PPARG: variants seen among roughly 807,000 people sequenced by gnomAD.
The protein encoded by PPARG is peroxisome proliferator activated receptor gamma, also known as peroxisome proliferator-activated receptor gamma.
A neutral mutation model predicts 39.2 loss-of-function variants in PPARG; 17 were observed. The ratio of observed to expected loss-of-function variants is 0.43; its 90% CI spans 0.30 to 0.65. The LOEUF (loss-of-function observed/expected upper bound fraction) is 0.65, where lower values mean the gene tolerates loss of function less well. PPARG is among the 30% of genes least tolerant of loss of function. The probability of loss-of-function intolerance (pLI) is 0.13; values close to 1 mark genes in which losing one functional copy is unlikely to be tolerated. For missense variants in PPARG, 406 were observed against 585.9 expected, an observed-to-expected ratio of 0.69 and a Z score of 3.17; for synonymous variants, 223 against 215.7, an observed-to-expected ratio of 1.03 and a Z score of -0.30.
intron 1 of PPARG, among the ~76,000 whole-genome samples, chr3:12,297,334 A>G (rs896295084): frequency 2.0e-4 from 30 of 152,322 alleles, no homozygotes; most frequent in African/African-American, 6.7e-4. Flanking sequence ...AGTCTGGAAG[A>G]GAATATACAA....
At chr3:12,380,064 C>A in intron 3 of PPARG, 133 bp downstream of exon 3, 1 of 873,822 alleles carries the variant, frequency 1.1e-6, no homozygotes, top group South Asian at 1.4e-5. Context: ...TTTATTCACC[C>A]ATTTATCCAT....
intron 5 of PPARG, among the ~76,000 whole-genome samples, chr3:12,405,438 CA>C (rs1168063727): frequency 6.6e-6 from 1 of 152,202 alleles, no homozygotes; most frequent in Non-Finnish European, 1.5e-5. Context: ...TATGTCTGTA[CA>C]ACTTTGAATT....
At position 12,386,881 on chromosome 3, in the gene PPARG, C is replaced by G. The variant is rs547119264; in HGVS notation, c.390+5390C>G. On this transcript the variant is annotated intron_variant, in intron 4 of 7. Coordinates refer to ENST00000651735, the MANE Select transcript of PPARG (RefSeq NM_138711.6). ...CTATCCCTCCCCCAACCCTCCACCC[C>G]CTGATAGGCCCCACTGTGTGATGTT... Among the ~76,000 whole-genome samples the G allele has an allele frequency of 1.7e-4, 26 of 151,984 alleles. No individual in the cohort carries two copies. In the East Asian group the frequency reaches 3.7e-3, roughly 22 times the overall value.
At chr3:12,354,753 CAAAAA>C (rs71063823) in intron 2 of PPARG, among the ~76,000 whole-genome samples, 5 of 116,198 alleles carry the variant, frequency 4.3e-5, no homozygotes, top group Non-Finnish European at 7.1e-5. Context: ...GACTCCATCT[CAAAAA>C]AAAAAAAAAA....
At chr3:12,325,596 G>T (rs1243410838) in intron 2 of PPARG, among the ~76,000 whole-genome samples, 3 of 150,998 alleles carry the variant, frequency 2.0e-5, no homozygotes, top group Non-Finnish European at 4.4e-5. Context: ...GCAAGACTCT[G>T]TCTCAAAAAA....
chr3:12,369,368 T>C (rs2049129242), intron 2 of PPARG, among the ~76,000 whole-genome samples: 1 of 152,096 alleles, frequency 6.6e-6, no homozygotes, highest in South Asian at 2.1e-4. Flanking sequence ...GGTGCATGCC[T>C]GTGGTCCCAG....
At chr3:12,433,817 A>G in intron 7 of PPARG, 81 bp from the exon 8 acceptor site, 2 of 1,596,924 alleles carry the variant, frequency 1.3e-6, no homozygotes, top group Non-Finnish European at 1.7e-6. Flanking sequence ...TGCTTGGTAG[A>G]GCTGCCTAGG....
intron 2 of PPARG, among the ~76,000 whole-genome samples, chr3:12,368,456 A>G (rs934157950): frequency 2.0e-5 from 3 of 152,192 alleles, no homozygotes; most frequent in Non-Finnish European, 4.4e-5. Context: ...TGCTGGGATT[A>G]CAAACGTGAG....
At chr3:12,337,351 G>A (rs2048041573) in intron 2 of PPARG, among the ~76,000 whole-genome samples, 1 of 152,170 alleles carries the variant, frequency 6.6e-6, no homozygotes, top group South Asian at 2.1e-4. Flanking sequence ...ATTGTTCTGA[G>A]TAGAACTTAT....
intron 2 of PPARG, among the ~76,000 whole-genome samples, chr3:12,350,503 T>G (rs1281339704): frequency 6.6e-6 from 1 of 152,216 alleles, no homozygotes; most frequent in Non-Finnish European, 1.5e-5. Context: ...TACTGCCCTG[T>G]GTGGGGGCGT....
chr3:12,397,479 A>C (rs1026033926), intron 5 of PPARG, among the ~76,000 whole-genome samples: 1 of 150,252 alleles, frequency 6.7e-6, no homozygotes, highest in Non-Finnish European at 1.5e-5. Context: ...GGCGCGATCT[A>C]GGCTCACTGC....
At chr3:12,366,649 A>G (rs1472858340) in intron 2 of PPARG, among the ~76,000 whole-genome samples, 1 of 152,034 alleles carries the variant, frequency 6.6e-6, no homozygotes, top group Non-Finnish European at 1.5e-5. Context: ...ATTTATTGAT[A>G]TGATCATGTG....
At chr3:12,381,678 A>T (rs966671737) in intron 4 of PPARG, among the ~76,000 whole-genome samples, 187 bp downstream of exon 4, 5 of 152,110 alleles carry the variant, frequency 3.3e-5, no homozygotes, top group Non-Finnish European at 7.4e-5. Flanking sequence ...TCTGGGCTCA[A>T]GTGATCCTCC....
intron 2 of PPARG, among the ~76,000 whole-genome samples, chr3:12,370,122 A>C (rs1249271734): frequency 6.6e-6 from 1 of 152,060 alleles, no homozygotes; most frequent in African/African-American, 2.4e-5. Flanking sequence ...TATCATTCTG[A>C]AAATGTCTTT....
At chr3:12,379,680 C>T (rs1364315442) in intron 2 of PPARG, 24 bp from the exon 3 acceptor site, 1 of 1,592,262 alleles carries the variant, frequency 6.3e-7, no homozygotes, top group Admixed American at 1.7e-5. Context: ...CTTAACTTCA[C>T]AGCTAGTCTA....
At chr3:12,352,857 ATTG>A (rs1294371995) in intron 2 of PPARG, among the ~76,000 whole-genome samples, 1 of 152,170 alleles carries the variant, frequency 6.6e-6, no homozygotes, top group African/African-American at 2.4e-5. Flanking sequence ...TATTCCATAA[ATTG>A]TTGTTATTCT....
intron 1 of PPARG, among the ~76,000 whole-genome samples, chr3:12,310,503 G>C: frequency 1.6e-5 from 1 of 61,328 alleles, no homozygotes. Flanking sequence ...TCGCTCTGTC[G>C]CCCAGGCTGG....
At chr3:12,364,724 G>C (rs1356366215) in intron 2 of PPARG, among the ~76,000 whole-genome samples, 1 of 152,164 alleles carries the variant, frequency 6.6e-6, no homozygotes, top group Non-Finnish European at 1.5e-5. Context: ...TAGTGTTTTA[G>C]ATTTTAGCCA....
chr3:12,430,192 C>CAGG (rs35632413), intron 7 of PPARG, among the ~76,000 whole-genome samples: 26,731 of 152,132 alleles, frequency 0.18, 2,532 homozygotes, highest in Admixed American at 0.25. Context: ...ACATCGTTTA[C>CAGG]AGACTTCTTC....
Sources: gnomAD v4.1 joint callset for allele counts (sites outside exome capture counted in the v4.1 genomes callset) on GRCh38, gnomAD v4.1.1 for gene constraint, MANE v1.5 for transcripts, NCBI Gene and HGNC (gene_info 2026-07-23, HGNC 2026-07-21) for gene names.